SLIT3: variants seen among roughly 807,000 people sequenced by gnomAD.
The protein encoded by SLIT3 is slit homolog 3 protein.
In SLIT3, 68 loss-of-function variants were observed where a neutral mutation model predicts 184.0. That is an observed-to-expected ratio of 0.37 (90% CI 0.30 to 0.45). The LOEUF (loss-of-function observed/expected upper bound fraction) is 0.45. Among genes scored for constraint, SLIT3 ranks in the 20% least tolerant of loss-of-function variants. The pLI, the probability that SLIT3 is intolerant of heterozygous loss-of-function variation, is 1.00. For synonymous variants in SLIT3, 831 were observed against 828.6 expected (o/e 1.00, Z -0.05); for missense variants, 1,707 against 2,026.0 (o/e 0.84, Z 3.02).
In SLIT3 at chr5:168,749,651, G is replaced by C. The variant is rs746676990; in HGVS notation, c.1974-16C>G. The C allele has an allele frequency of 1.9e-5, 30 of 1,613,830 alleles. No homozygotes were observed. The South Asian group carries it at 2.2e-4, about 12-fold the overall frequency. ...CAGGAGGTTTCTAGGAAGAGAGAAG[G>C]GTGCTTAGCCTCCATCCTTCTACTG... On this transcript the variant is annotated splice_polypyrimidine_tract_variant and intron_variant, in intron 18 of 35. Coordinates refer to ENST00000519560, the MANE Select transcript of SLIT3 (RefSeq NM_003062.4).
intron 4 of SLIT3, among the ~76,000 whole-genome samples, chr5:168,924,690 T>C (rs1761756243): frequency 6.6e-6 from 1 of 152,078 alleles, no homozygotes; most frequent in Admixed American, 6.6e-5. Context: ...TTTTTGTACT[T>C]TTTGTAGAGA....
intron 4 of SLIT3, among the ~76,000 whole-genome samples, chr5:169,141,268 C>G (rs1366097438): frequency 6.6e-6 from 1 of 152,124 alleles, no homozygotes; most frequent in Non-Finnish European, 1.5e-5. Flanking sequence ...CACAAATAAA[C>G]AAAAACAAAA....
At chr5:169,086,883 GA>G (rs1218440893) in intron 4 of SLIT3, among the ~76,000 whole-genome samples, 3 of 152,188 alleles carry the variant, frequency 2.0e-5, no homozygotes, top group Non-Finnish European at 2.9e-5. Context: ...ACATCCAAAG[GA>G]GAAGTCTTTG....
At chr5:169,086,215 G>A (rs563397642) in intron 4 of SLIT3, among the ~76,000 whole-genome samples, 1 of 152,162 alleles carries the variant, frequency 6.6e-6, no homozygotes, top group Admixed American at 6.5e-5. Flanking sequence ...TTTTACATAT[G>A]AACAAAATAT....
intron 3 of SLIT3, among the ~76,000 whole-genome samples, chr5:169,227,171 C>CT (rs1764842627): frequency 6.6e-6 from 1 of 152,196 alleles, no homozygotes; most frequent in South Asian, 2.1e-4. Context: ...GAGGCACAGA[C>CT]TTAAGCATGA....
intron 27 of SLIT3, among the ~76,000 whole-genome samples, chr5:168,700,004 C>A (rs1762168646): frequency 6.6e-6 from 1 of 152,210 alleles, no homozygotes; most frequent in African/African-American, 2.4e-5. Flanking sequence ...CTTAATGTAA[C>A]TCTAGGCAGA....
chr5:168,865,033 T>C (rs1460311019), intron 5 of SLIT3, among the ~76,000 whole-genome samples: 6 of 152,004 alleles, frequency 3.9e-5, no homozygotes, highest in Non-Finnish European at 8.8e-5. Flanking sequence ...CCAGGCGTGG[T>C]GGTGGACACC....
chr5:169,226,993 C>T (rs1764835706), intron 3 of SLIT3, among the ~76,000 whole-genome samples: 1 of 152,182 alleles, frequency 6.6e-6, no homozygotes, highest in African/African-American at 2.4e-5. Context: ...TCCCTCAGTC[C>T]TATCACTAAA....
At chr5:169,290,227 G>A (rs560859964) in intron 1 of SLIT3, among the ~76,000 whole-genome samples, 36 of 145,588 alleles carry the variant, frequency 2.5e-4, no homozygotes, top group Admixed American at 8.8e-4. Context: ...GCTAGGGTGC[G>A]CACTAGGGCA....
At chr5:168,818,032 T>C (rs1272719795) in intron 7 of SLIT3, among the ~76,000 whole-genome samples, 1 of 141,166 alleles carries the variant, frequency 7.1e-6, no homozygotes, top group South Asian at 2.1e-4. Flanking sequence ...CTAGCTGGAG[T>C]GAGCAGGCTG....
intron 4 of SLIT3, among the ~76,000 whole-genome samples, chr5:169,143,497 A>G (rs1388211585): frequency 6.6e-6 from 1 of 152,230 alleles, no homozygotes; most frequent in Non-Finnish European, 1.5e-5. Context: ...CTTTGTTTGC[A>G]TAAATAGTAT....
chr5:168,819,846 A>C (rs1449156014), intron 7 of SLIT3, among the ~76,000 whole-genome samples: 1 of 152,120 alleles, frequency 6.6e-6, no homozygotes, highest in Non-Finnish European at 1.5e-5. Context: ...GTCTTAATAG[A>C]AATTTTTCTC....
intron 4 of SLIT3, among the ~76,000 whole-genome samples, chr5:169,140,894 T>C (rs556086479): frequency 6.6e-6 from 1 of 152,298 alleles, no homozygotes; most frequent in East Asian, 1.9e-4. Context: ...AAATTAAATA[T>C]AAAACTCTTT....
intron 4 of SLIT3, among the ~76,000 whole-genome samples, chr5:169,151,984 A>G (rs751648499): frequency 6.6e-6 from 1 of 152,208 alleles, no homozygotes; most frequent in African/African-American, 2.4e-5. Flanking sequence ...AGCAAATAGA[A>G]TAAAGCTTGT....
chr5:169,069,944 G>C (rs569165526), intron 4 of SLIT3, among the ~76,000 whole-genome samples: 1 of 152,338 alleles, frequency 6.6e-6, no homozygotes, highest in Admixed American at 6.5e-5. Context: ...AGCTCCAATG[G>C]AGGTTTCAGA....
At chr5:168,965,482 T>C (rs1289010485) in intron 4 of SLIT3, among the ~76,000 whole-genome samples, 1 of 152,202 alleles carries the variant, frequency 6.6e-6, no homozygotes. Context: ...TTTGCCCATA[T>C]AGCCCCAAAA....
chr5:168,725,329 A>C (rs1381380499), intron 20 of SLIT3, among the ~76,000 whole-genome samples: 1 of 152,216 alleles, frequency 6.6e-6, no homozygotes, highest in Non-Finnish European at 1.5e-5. Context: ...TGTAATCATG[A>C]ATTACAAAGG....
chr5:168,806,336 T>G (rs1756955379), intron 9 of SLIT3, 110 bp downstream of exon 9: 2 of 1,182,428 alleles, frequency 1.7e-6, no homozygotes, highest in South Asian at 2.8e-5. Flanking sequence ...GTGTTTTTAA[T>G]GGTCAGCTCC....
intron 20 of SLIT3, among the ~76,000 whole-genome samples, chr5:168,736,684 C>G (rs1763446440): frequency 6.6e-6 from 1 of 151,420 alleles, no homozygotes; most frequent in African/African-American, 2.4e-5. Flanking sequence ...GGGCTTGCCT[C>G]CTCCCTGCTG....
Sources: gnomAD v4.1 joint callset for allele counts (sites outside exome capture counted in the v4.1 genomes callset) on GRCh38, gnomAD v4.1.1 for gene constraint, MANE v1.5 for transcripts, NCBI Gene and HGNC (gene_info 2026-07-23, HGNC 2026-07-21) for gene names.